PCDH11Y: variants seen among roughly 807,000 people sequenced by gnomAD.
PCDH11Y encodes protocadherin 11 Y-linked, also known as protocadherin-11 Y-linked.
For synonymous variants in PCDH11Y, 9 were observed against 83.6 expected (o/e 0.11, Z 4.87); for missense variants, 12 against 224.8 (o/e 0.05, Z 6.05).
At chrY:5,549,818 G>C (rs2124693950) in intron 3 of PCDH11Y, among the ~76,000 whole-genome samples, 1 of 33,040 alleles carries the variant, frequency 3.0e-5, no homozygotes, top group African/African-American at 1.2e-4. Context: ...TAAAGCTGGA[G>C]GCCATTATCC....
At chrY:5,166,230 C>T in intron 2 of PCDH11Y, among the ~76,000 whole-genome samples, 1 of 31,923 alleles carries the variant, frequency 3.1e-5, no homozygotes, top group Admixed American at 2.9e-4. Flanking sequence ...GATAAAGAAA[C>T]TAAACAAAAC....
At chrY:5,705,508 C>T in intron 4 of PCDH11Y, among the ~76,000 whole-genome samples, 1 of 29,714 alleles carries the variant, frequency 3.4e-5, no homozygotes, top group African/African-American at 1.3e-4. Context: ...AATTATGGAA[C>T]TATGGATTGA....
intron 2 of PCDH11Y, among the ~76,000 whole-genome samples, chrY:5,407,879 G>A (rs371582015): frequency 0.017 from 347 of 20,433 alleles, no homozygotes; most frequent in Admixed American, 0.11. Flanking sequence ...GCGCCACTGC[G>A]CTCCAGCCTG....
chrY:5,148,836 G>A, intron 2 of PCDH11Y, among the ~76,000 whole-genome samples: 1 of 32,127 alleles, frequency 3.1e-5, no homozygotes, highest in African/African-American at 1.2e-4. Flanking sequence ...AAGGTTGTAT[G>A]GGTACTCAAA....
At chrY:5,188,960 A>G in intron 2 of PCDH11Y, among the ~76,000 whole-genome samples, 1 of 34,102 alleles carries the variant, frequency 2.9e-5, no homozygotes, top group African/African-American at 1.1e-4. Context: ...AGAAATATAA[A>G]AAAGAATTCT....
intron 3 of PCDH11Y, among the ~76,000 whole-genome samples, chrY:5,036,688 G>A: frequency 9.0e-5 from 3 of 33,390 alleles, no homozygotes; most frequent in Non-Finnish European, 2.2e-4. Context: ...AACATTTTAT[G>A]ACTTTACTTT....
chrY:5,598,558 A>G (rs2053469783), intron 4 of PCDH11Y, among the ~76,000 whole-genome samples: 1 of 33,244 alleles, frequency 3.0e-5, no homozygotes, highest in Non-Finnish European at 7.4e-5. Context: ...TTAAGGTCTG[A>G]AAGGACAAGC....
intron 2 of PCDH11Y, among the ~76,000 whole-genome samples, chrY:5,232,727 C>T: frequency 1.8e-4 from 6 of 32,475 alleles, no homozygotes; most frequent in Non-Finnish European, 4.5e-4. Flanking sequence ...CTTCAGTTTT[C>T]TGTCTCTGGG....
chrY:5,661,703 A>G, intron 4 of PCDH11Y, among the ~76,000 whole-genome samples: 1 of 32,655 alleles, frequency 3.1e-5, no homozygotes, highest in Non-Finnish European at 7.6e-5. Context: ...TCCATAAATT[A>G]GAATAAAATT....
At chrY:5,062,752 A>G (rs2052677948) in intron 1 of PCDH11Y, among the ~76,000 whole-genome samples, 1 of 33,274 alleles carries the variant, frequency 3.0e-5, no homozygotes, top group African/African-American at 1.2e-4. Context: ...TATGGAACAT[A>G]AGTTGGACAT....
At chrY:5,071,574 A>C (rs1184314698) in intron 1 of PCDH11Y, among the ~76,000 whole-genome samples, 2 of 33,036 alleles carry the variant, frequency 6.1e-5, no homozygotes, top group Non-Finnish European at 7.5e-5. Flanking sequence ...TACAAGGAGC[A>C]GCATCTGTTA....
intron 4 of PCDH11Y, among the ~76,000 whole-genome samples, chrY:5,584,361 A>G (rs199730362): frequency 0.21 from 6,438 of 30,847 alleles, no homozygotes; most frequent in African/African-American, 0.68. Flanking sequence ...TTGCATCAAT[A>G]TTCATCAGTG....
chrY:5,313,108 A>T (rs2053103583), intron 2 of PCDH11Y, among the ~76,000 whole-genome samples: 1 of 31,973 alleles, frequency 3.1e-5, no homozygotes. Flanking sequence ...GAATTATCTG[A>T]TAATTCTCAT....
At chrY:5,312,973 A>C (rs2053103419) in intron 2 of PCDH11Y, among the ~76,000 whole-genome samples, 1 of 32,373 alleles carries the variant, frequency 3.1e-5, no homozygotes, top group African/African-American at 1.2e-4. Context: ...TCACTGTTTT[A>C]GATAAAGTAT....
exon 2 of PCDH11Y, chrY:5,100,932 G>T (rs2124636995): frequency 3.1e-6 from 1 of 319,349 alleles, no homozygotes; most frequent in Non-Finnish European, 4.2e-6. Flanking sequence ...TTATAGTAGG[G>T]GCAATTTTGT....
intron 2 of PCDH11Y, among the ~76,000 whole-genome samples, chrY:5,359,720 A>G: frequency 3.1e-5 from 1 of 32,260 alleles, no homozygotes; most frequent in East Asian, 8.2e-4. Flanking sequence ...TAAAAATGGT[A>G]GTCTGTTGGA....
chrY:5,228,233 TA>T (rs2052963146), intron 2 of PCDH11Y, among the ~76,000 whole-genome samples: 1 of 23,209 alleles, frequency 4.3e-5, no homozygotes, highest in Non-Finnish European at 9.8e-5. Flanking sequence ...TTGCTCATAG[TA>T]GTCACTAACG....
chrY:5,130,390 A>G, intron 2 of PCDH11Y, among the ~76,000 whole-genome samples: 2 of 33,694 alleles, frequency 5.9e-5, no homozygotes, highest in East Asian at 1.6e-3. Flanking sequence ...ATAAGCCTCT[A>G]TAAGGAACTT....
intron 2 of PCDH11Y, among the ~76,000 whole-genome samples, chrY:5,169,329 C>G (rs2052884428): frequency 2.8e-3 from 90 of 32,300 alleles, no homozygotes; most frequent in Admixed American, 4.3e-3. Context: ...GAACCTTTAC[C>G]CATTTTGAAA....
Sources: allele counts gnomAD v4.1 joint callset (sites outside exome capture counted in the v4.1 genomes callset), GRCh38; gene constraint gnomAD v4.1.1; transcripts MANE v1.5; gene names NCBI Gene and HGNC (gene_info 2026-07-23, HGNC 2026-07-21).